Variants in KCNH7 observed in about 807,000 individuals in gnomAD.
KCNH7 encodes voltage-gated inwardly rectifying potassium channel KCNH7.
In KCNH7, 49 loss-of-function variants were observed where a neutral mutation model predicts 120.8. That is an observed-to-expected ratio of 0.41 (90% CI 0.32 to 0.51). The LOEUF (loss-of-function observed/expected upper bound fraction) is 0.51. KCNH7 is among the 20% of genes least tolerant of loss of function. The pLI is 0.38. For synonymous variants in KCNH7, 547 were observed against 516.1 expected (o/e 1.06, Z -0.81); for missense variants, 1,097 against 1,446.6 (o/e 0.76, Z 3.92).
intron 6 of KCNH7, among the ~76,000 whole-genome samples, chr2:162,495,821 C>A (rs1241547911): frequency 1.3e-5 from 2 of 152,052 alleles, no homozygotes; most frequent in Non-Finnish European, 2.9e-5. Context: ...TAATTCTGGG[C>A]AATTATCCTG....
At chr2:162,628,392 T>G (rs545284612) in intron 2 of KCNH7, among the ~76,000 whole-genome samples, 1 of 152,218 alleles carries the variant, frequency 6.6e-6, no homozygotes, top group South Asian at 2.1e-4. Context: ...CTTTCCACAC[T>G]GTCTCTCTAT....
intron 2 of KCNH7, among the ~76,000 whole-genome samples, chr2:162,792,151 A>G (rs1683969025): frequency 6.6e-6 from 1 of 152,104 alleles, no homozygotes; most frequent in Non-Finnish European, 1.5e-5. Flanking sequence ...ATCATGGTGG[A>G]TAAGCTTTTT....
chr2:162,619,505 C>T (rs1683269253), intron 2 of KCNH7, among the ~76,000 whole-genome samples: 1 of 151,710 alleles, frequency 6.6e-6, no homozygotes, highest in African/African-American at 2.4e-5. Flanking sequence ...TAGTCTCTCT[C>T]CCTCTAGAAA....
At chr2:162,470,673 C>T (rs1452439038) in intron 6 of KCNH7, among the ~76,000 whole-genome samples, 7 of 151,996 alleles carry the variant, frequency 4.6e-5, no homozygotes, top group African/African-American at 9.7e-5. Context: ...AGGTGAGGGG[C>T]GCCTCTGCCC....
intron 3 of KCNH7, among the ~76,000 whole-genome samples, chr2:162,522,458 G>C (rs1229623981): frequency 2.0e-5 from 3 of 151,810 alleles, no homozygotes; most frequent in Admixed American, 6.6e-5. Context: ...TTGCATTACA[G>C]ATTTAGTTGT....
intron 4 of KCNH7, among the ~76,000 whole-genome samples, chr2:162,517,170 G>C (rs1027441938): frequency 6.6e-6 from 1 of 151,694 alleles, no homozygotes; most frequent in Admixed American, 6.6e-5. Context: ...ATTCTGATTT[G>C]CTTTTCAAGT....
intron 2 of KCNH7, among the ~76,000 whole-genome samples, chr2:162,592,902 C>G (rs890039128): frequency 2.0e-5 from 3 of 151,990 alleles, no homozygotes; most frequent in Non-Finnish European, 4.4e-5. Context: ...TGTATCACAG[C>G]ACTTTGTAAA....
chr2:162,396,841 G>T lies in KCNH7; in HGVS notation c.2512C>A (p.Arg838=). 6.2e-7 allele frequency: 1 copy of T among 1,611,538 alleles called. No homozygotes were observed. Among genetic ancestry groups the T allele is most frequent in the South Asian group, 1.1e-5 (1 of 91,018 alleles). ...LTYCDLHKIQ[R]EDLLEVLDMY... ...TCCAAAACCTCTAACAAGTCTTCTCGCTGAATCTTATGCAAGTCACAGTAT... is the reference window on the plus strand; with the variant it reads ...TCCAAAACCTCTAACAAGTCTTCTCTCTGAATCTTATGCAAGTCACAGTAT... Residue 838 remains arginine, a synonymous_variant, in exon 11 of 16, where the codon CGA becomes AGA. Coordinates refer to ENST00000332142, the MANE Select transcript of KCNH7 (RefSeq NM_033272.4).
intron 2 of KCNH7, among the ~76,000 whole-genome samples, chr2:162,726,111 T>C (rs897678533): frequency 1.1e-4 from 16 of 152,326 alleles, no homozygotes; most frequent in African/African-American, 3.6e-4. Flanking sequence ...TTTTGATCTA[T>C]AGATTTTTAC....
chr2:162,647,777 G>T (rs1257486566), intron 2 of KCNH7, among the ~76,000 whole-genome samples: 1 of 152,090 alleles, frequency 6.6e-6, no homozygotes, highest in African/African-American at 2.4e-5. Context: ...CCAGTCTTGA[G>T]TATGTCTTTA....
Position 162,788,892 on chromosome 2 carries a change from A to G in KCNH7, c.307+47645T>C, listed in dbSNP as rs575095914. Reference sequence around the variant, plus strand: ...TAAATTAGCAATAGAAAAGCAACCTATAACATACAAGGAAACCACAATAAG... The same window carrying G: ...TAAATTAGCAATAGAAAAGCAACCTGTAACATACAAGGAAACCACAATAAG... On this transcript the variant is annotated intron_variant, in intron 2 of 15. Transcript: ENST00000332142. Among the ~76,000 whole-genome samples the G allele has an allele frequency of 1.3e-4, 20 of 151,632 alleles. No individual in the cohort carries two copies. The South Asian group carries it at 4.2e-3, about 32-fold the overall frequency.
chr2:162,591,636 A>G (rs75308046), intron 2 of KCNH7, among the ~76,000 whole-genome samples: 3,492 of 152,220 alleles, frequency 0.023, 130 homozygotes, highest in East Asian at 0.18. Context: ...ATGGGGTGAC[A>G]TAGGTCCTAA....
chr2:162,807,012 T>C (rs1267105992), intron 2 of KCNH7, among the ~76,000 whole-genome samples: 6 of 151,292 alleles, frequency 4.0e-5, no homozygotes, highest in Non-Finnish European at 7.4e-5. Context: ...AGTATAGAAA[T>C]AGAAAGTAGA....
At chr2:162,811,292 C>T (rs1478957459) in intron 2 of KCNH7, among the ~76,000 whole-genome samples, 5 of 152,060 alleles carry the variant, frequency 3.3e-5, no homozygotes, top group Admixed American at 2.6e-4. Flanking sequence ...ATAAAGATGA[C>T]TGGAGAAAGG....
Position 162,572,718 on chromosome 2 carries a change from TA to T in KCNH7, c.308-35639del, listed in dbSNP as rs1439621077. Among the ~76,000 whole-genome samples, 16 of 139,700 alleles carry T rather than the reference TA, an allele frequency of 1.1e-4. No individual in the cohort carries two copies. In the East Asian group the frequency reaches 3.1e-3, roughly 27 times the overall value. The allele number at this position is 139,700 out of a possible 152,430, so 91.6% of individuals were successfully genotyped here. On this transcript the variant is annotated intron_variant, in intron 2 of 15. Transcript: ENST00000332142. ...TACACCATGGAATACTATGCAGCCA[TA>T]AAAAATGATGAGTTCACGTCCTTTG...
At chr2:162,602,906 G>A (rs1001885287) in intron 2 of KCNH7, among the ~76,000 whole-genome samples, 3 of 150,614 alleles carry the variant, frequency 2.0e-5, no homozygotes, top group African/African-American at 7.3e-5. Flanking sequence ...AGGAGGAGGA[G>A]GAGGAGGAGG....
intron 2 of KCNH7, among the ~76,000 whole-genome samples, chr2:162,663,224 T>TG: frequency 6.6e-6 from 1 of 152,352 alleles, no homozygotes. Context: ...AGTAGGCACA[T>TG]GGCAGACGTC....
chr2:162,656,507 G>A (rs1004880352), intron 2 of KCNH7, among the ~76,000 whole-genome samples: 6 of 152,158 alleles, frequency 3.9e-5, no homozygotes, highest in Non-Finnish European at 8.8e-5. Context: ...TAGAGAATAT[G>A]AGGAAGCATG....
chr2:162,623,505 G>T (rs1317231434), intron 2 of KCNH7, among the ~76,000 whole-genome samples: 2 of 152,002 alleles, frequency 1.3e-5, no homozygotes, highest in African/African-American at 2.4e-5. Flanking sequence ...TTTATATGGG[G>T]TCTATTAATA....
Sources: gnomAD v4.1 joint callset for allele counts (sites outside exome capture counted in the v4.1 genomes callset) on GRCh38, gnomAD v4.1.1 for gene constraint, MANE v1.5 for transcripts, NCBI Gene and HGNC (gene_info 2026-07-23, HGNC 2026-07-21) for gene names.